Variants in TRAF3IP2 observed in about 807,000 individuals in gnomAD.
TRAF3IP2 encodes the protein TRAF3 interacting protein 2, also known as E3 ubiquitin ligase TRAF3IP2.
TRAF3IP2 carries 35 observed loss-of-function variants against 57.9 expected under a neutral mutation model. The observed-to-expected ratio is 0.60, with a 90% CI of 0.46 to 0.80. The LOEUF (loss-of-function observed/expected upper bound fraction) is 0.80. Ranked by LOEUF, TRAF3IP2 falls within the 30% of genes least tolerant of loss-of-function variation. The probability of loss-of-function intolerance (pLI) is 0.00; values close to 1 mark genes in which losing one functional copy is unlikely to be tolerated. For synonymous variants in TRAF3IP2, 251 were observed against 268.9 expected (o/e 0.93, Z 0.65); for missense variants, 556 against 706.4 (o/e 0.79, Z 2.41).
chr6:111,581,691 C>G (rs1796168605), intron 2 of TRAF3IP2, among the ~76,000 whole-genome samples: 1 of 151,118 alleles, frequency 6.6e-6, no homozygotes, highest in African/African-American at 2.4e-5. Flanking sequence ...AAAATTGATT[C>G]TTAAGGCCAG....
intron 1 of TRAF3IP2, 60 bp from the exon 2 acceptor site, chr6:111,592,154 CT>C: frequency 7.1e-7 from 1 of 1,415,658 alleles, no homozygotes; most frequent in Non-Finnish European, 9.7e-7. Flanking sequence ...GGAGTCCTCA[CT>C]TTATGACCTT....
chr6:111,563,169 T>G (rs1470135583), intron 7 of TRAF3IP2, 130 bp from the exon 8 acceptor site: 1 of 666,514 alleles, frequency 1.5e-6, no homozygotes, highest in African/African-American at 1.8e-5. Flanking sequence ...CACTTAACAT[T>G]TTAAGGCCTC....
chr6:111,586,007 TAA>T (rs1382463310), intron 2 of TRAF3IP2, among the ~76,000 whole-genome samples: 2 of 105,636 alleles, frequency 1.9e-5, no homozygotes, highest in African/African-American at 3.2e-5. Context: ...TATTAAGAAT[TAA>T]AAGAGTTTAT....
rs1322650897 is a variant in TRAF3IP2, at chr6:111,557,195, G to GTAGA, written c.*2206_*2209dup. 1 of 152,048 alleles carries GTAGA rather than the reference G, an allele frequency of 6.6e-6. No homozygotes were observed. The highest frequency in any genetic ancestry group is 1.5e-5 in the Non-Finnish European group (1 of 68,018). The allele number at this position is 152,048 out of a possible 1,614,324, so 9.4% of individuals were successfully genotyped here. A position where few individuals can be genotyped will look rare whatever the true frequency, so the allele number is the denominator to read the frequency against. On this transcript the variant is annotated 3_prime_UTR_variant, in exon 9 of 9. Coordinates refer to ENST00000368761, the MANE Select transcript of TRAF3IP2 (RefSeq NM_147686.4). ...CAAGTGAGCCTTGTTTAAGAGGCTAGTAGATAAAGAAGGGAAGCAGTAGCT... is the reference window on the plus strand; with the variant it reads ...CAAGTGAGCCTTGTTTAAGAGGCTAGTAGATAGATAAAGAAGGGAAGCAGTAGCT...
rs535947437 is a variant in TRAF3IP2, at chr6:111,559,090, T to C, written c.*315A>G. 8.5e-4 allele frequency: 222 copies of C among 261,230 alleles called. No individual in the cohort carries two copies. The highest frequency in any genetic ancestry group is 4.5e-3 in the African/African-American group (207 of 45,994). 16.2% of individuals were successfully genotyped at this position (261,230 alleles called of 1,614,324 possible). On this transcript the variant is annotated 3_prime_UTR_variant, in exon 9 of 9. Transcript: ENST00000368761. Reference sequence around the variant, plus strand: ...ATTTGCTGCCACATCCCTTACATTATCTACTTGCTAAGCACTGAGAGGCCC... The same window carrying C: ...ATTTGCTGCCACATCCCTTACATTACCTACTTGCTAAGCACTGAGAGGCCC...
chr6:111,561,940 G>A (rs562767389), intron 8 of TRAF3IP2, among the ~76,000 whole-genome samples: 4 of 152,300 alleles, frequency 2.6e-5, no homozygotes, highest in South Asian at 2.1e-4. Context: ...GTGTGCCATC[G>A]CACAGGCTGT....
intron 5 of TRAF3IP2, among the ~76,000 whole-genome samples, chr6:111,572,170 A>T (rs543937103): frequency 6.6e-6 from 1 of 152,196 alleles, no homozygotes; most frequent in Admixed American, 6.5e-5. Context: ...CCTGAGTAGC[A>T]TCATGTGGTA....
chr6:111,603,823 T>C (rs1796947431), intron 1 of TRAF3IP2, among the ~76,000 whole-genome samples: 1 of 152,212 alleles, frequency 6.6e-6, no homozygotes, highest in Admixed American at 6.5e-5. Context: ...TCACTTCTGT[T>C]TAACCCACCC....
At chr6:111,560,480 C>T (rs539542638) in intron 8 of TRAF3IP2, among the ~76,000 whole-genome samples, 13 of 152,308 alleles carry the variant, frequency 8.5e-5, no homozygotes, top group African/African-American at 2.9e-4. Flanking sequence ...GACTATAGGA[C>T]GGGACTTCTC....
chr6:111,570,367 TC>T (rs1183305591), intron 5 of TRAF3IP2, among the ~76,000 whole-genome samples: 1 of 152,234 alleles, frequency 6.6e-6, no homozygotes, highest in Admixed American at 6.5e-5. Context: ...CAGTAACAAC[TC>T]CCTGCTTTTG....
chr6:111,597,760 G>A, intron 1 of TRAF3IP2: 1 of 444,472 alleles, frequency 2.2e-6, no homozygotes, highest in Non-Finnish European at 4.5e-6. Flanking sequence ...ATAACTGGAT[G>A]GAACAGCTGT....
At chr6:111,594,667 C>A in intron 1 of TRAF3IP2, 1 of 295,812 alleles carries the variant, frequency 3.4e-6, no homozygotes, top group Non-Finnish European at 6.8e-6. Flanking sequence ...GTAACCCCAG[C>A]ACTTTGCAGG....
rs1246798131 is a variant in TRAF3IP2 at position 111,555,959 on chromosome 6, C to T, written c.*3446G>A. Reference sequence around the variant, plus strand: ...TCTACTAAAAATACAAAAAATTAGCCGGGCATGGTGGCAGGTGCCTGTAGT... The same window carrying T: ...TCTACTAAAAATACAAAAAATTAGCTGGGCATGGTGGCAGGTGCCTGTAGT... On this transcript the variant is annotated 3_prime_UTR_variant, in exon 9 of 9. Coordinates refer to ENST00000368761, the MANE Select transcript of TRAF3IP2 (RefSeq NM_147686.4). Among the ~76,000 whole-genome samples, 5 of 152,182 alleles carry T rather than the reference C, an allele frequency of 3.3e-5. No individual in the cohort carries two copies. Among genetic ancestry groups the T allele is most frequent in the South Asian group, 4.1e-4 (2 of 4,822 alleles).
At chr6:111,604,127 C>A (rs936034820) in intron 1 of TRAF3IP2, among the ~76,000 whole-genome samples, 1 of 152,208 alleles carries the variant, frequency 6.6e-6, no homozygotes, top group African/African-American at 2.4e-5. Flanking sequence ...CCAGGACATC[C>A]CACAGAAACC....
intron 7 of TRAF3IP2, among the ~76,000 whole-genome samples, chr6:111,563,328 G>A (rs1795516383): frequency 6.6e-6 from 1 of 152,170 alleles, no homozygotes; most frequent in Non-Finnish European, 1.5e-5. Flanking sequence ...AAAGCTTGTT[G>A]TGTGCATCTC....
chr6:111,599,104 C>T (rs1488916583), intron 1 of TRAF3IP2, among the ~76,000 whole-genome samples: 7 of 144,760 alleles, frequency 4.8e-5, no homozygotes, highest in African/African-American at 7.8e-5. Flanking sequence ...GACAGAGTCT[C>T]GCCATGTTGC....
intron 1 of TRAF3IP2, chr6:111,597,981 G>A: frequency 9.0e-6 from 4 of 443,876 alleles, no homozygotes; most frequent in South Asian, 6.4e-5. Flanking sequence ...AGGGGAACAG[G>A]AGACCTGCCA....
chr6:111,592,221 C>A, intron 1 of TRAF3IP2, 127 bp from the exon 2 acceptor site: 1 of 805,664 alleles, frequency 1.2e-6, no homozygotes, highest in Non-Finnish European at 2.0e-6. Context: ...AATGTGCTTG[C>A]AAAGCCCTAA....
In TRAF3IP2 at chr6:111,591,792, G is replaced by T; in HGVS notation, c.295C>A (p.His99Asn). 6.2e-7 allele frequency: 1 copy of T among 1,614,248 alleles called. No homozygotes were observed. Among genetic ancestry groups the T allele is most frequent in the Non-Finnish European group, 8.5e-7 (1 of 1,180,048 alleles). ...GGGAAAGCTTTGCCCAGGCCTGGGT[G>T]TCTCCTGCAGAAACTGTCTTCACTG... ...EDSEDSFCRRHPGLGKAFPSG... is the reference protein window; with the variant it reads ...EDSEDSFCRRNPGLGKAFPSG... The change falls in exon 2 of 9, where the codon CAC becomes AAC. Residue 99 changes from histidine (H) to asparagine (N), a missense_variant. Around this residue, in one of 2 missense-constraint regions of TRAF3IP2, gnomAD observed 428 missense variants for 498.7 expected, o/e 0.86. Transcript: ENST00000368761. This position sits in a 1 kb window ranked among gnomAD's most constrained non-coding sequence, Gnocchi z 4.9.
Sources: allele counts gnomAD v4.1 joint callset (sites outside exome capture counted in the v4.1 genomes callset), GRCh38; gene constraint gnomAD v4.1.1; regional missense constraint gnomAD v4.1.1; non-coding constraint Gnocchi (gnomAD v3.1); transcripts MANE v1.5; gene names NCBI Gene and HGNC (gene_info 2026-07-23, HGNC 2026-07-21).